Variants in APELA observed in about 807,000 individuals in gnomAD.
The protein encoded by APELA is protein Elabela.
At chr4:164,883,047 G>A (rs1442345522) in intron 2 of APELA, among the ~76,000 whole-genome samples, 1 of 152,048 alleles carries the variant, frequency 6.6e-6, no homozygotes. Flanking sequence ...CCTATTTTCT[G>A]TCTTATTCTT....
chr4:164,892,531 G>T (rs1490044887), intron 2 of APELA, among the ~76,000 whole-genome samples: 1 of 152,124 alleles, frequency 6.6e-6, no homozygotes, highest in African/African-American at 2.4e-5. Context: ...TAGATTGCTA[G>T]TATTTTGCTG....
At chr4:164,880,932 G>A (rs573808399) in intron 2 of APELA, among the ~76,000 whole-genome samples, 8 of 152,258 alleles carry the variant, frequency 5.3e-5, no homozygotes, top group African/African-American at 1.9e-4. Context: ...CTGCTTGGGT[G>A]ACAGCATCCA....
At chr4:164,889,049 G>A (rs1730831700) in intron 2 of APELA, among the ~76,000 whole-genome samples, 1 of 151,848 alleles carries the variant, frequency 6.6e-6, no homozygotes, top group South Asian at 2.1e-4. Context: ...TGTTGCCCAG[G>A]CTGGAGTGCA....
rs1730980287 is a variant in APELA at position 164,896,603 on chromosome 4, T to A, written c.*1189T>A. ...CATGGAAATAAAAAATCAGAAGGAA[T>A]TTAGGGATATGATTACTCAAAAAAG... On this transcript the variant is annotated 3_prime_UTR_variant, in exon 3 of 3. Coordinates refer to ENST00000507152, the MANE Select transcript of APELA (RefSeq NM_001297550.2). 1 of 152,020 alleles carries A rather than the reference T, an allele frequency of 6.6e-6. No homozygotes were observed. Among genetic ancestry groups the A allele is most frequent in the African/African-American group, 2.4e-5 (1 of 41,366 alleles). The allele number at this position is 152,020 out of a possible 1,614,324, so 9.4% of individuals were successfully genotyped here.
chr4:164,882,915 C>T (rs1371176578), intron 2 of APELA, among the ~76,000 whole-genome samples: 2 of 152,170 alleles, frequency 1.3e-5, no homozygotes, highest in Admixed American at 1.3e-4. Flanking sequence ...CTACAAAGGA[C>T]ATGAACTCAT....
At chr4:164,884,332 A>G (rs1730727485) in intron 2 of APELA, among the ~76,000 whole-genome samples, 1 of 152,146 alleles carries the variant, frequency 6.6e-6, no homozygotes, top group South Asian at 2.1e-4. Context: ...TTGAAAAGGC[A>G]GCTGTTTTCT....
chr4:164,897,846 A>C (rs1443341729), downstream of APELA, among the ~76,000 whole-genome samples: 1 of 152,198 alleles, frequency 6.6e-6, no homozygotes, highest in Non-Finnish European at 1.5e-5. Context: ...GAGGGGTGCC[A>C]AATCTGTGTT....
At chr4:164,894,883 G>A (rs1268612390) in intron 2 of APELA, among the ~76,000 whole-genome samples, 1 of 152,160 alleles carries the variant, frequency 6.6e-6, no homozygotes, top group Non-Finnish European at 1.5e-5. Flanking sequence ...GATTCCAGAA[G>A]AGGTATCTCT....
At chr4:164,879,079 T>C (rs1315692807) in intron 2 of APELA, 70 bp downstream of exon 2, 1 of 398,400 alleles carries the variant, frequency 2.5e-6, no homozygotes, top group African/African-American at 2.1e-5. Flanking sequence ...AGGAAATGTT[T>C]CTTCACAGTT....
intron 2 of APELA, among the ~76,000 whole-genome samples, chr4:164,887,719 C>T (rs1730800746): frequency 6.6e-6 from 1 of 151,890 alleles, no homozygotes; most frequent in African/African-American, 2.4e-5. Flanking sequence ...TTAAGCGATT[C>T]TCCTGCCTCA....
At position 164,881,770 on chromosome 4, in the gene APELA, C is replaced by T. The variant is rs139561279; in HGVS notation, c.*1+2761C>T. ...TACTCTAAGGCCAGGTCCAGTGGCT[C>T]ATGCCTATAATCCCAGCACTTTGGG... On this transcript the variant is annotated intron_variant, in intron 2 of 2. Transcript: ENST00000507152. Among the ~76,000 whole-genome samples, 137 of 151,832 alleles carry T rather than the reference C, an allele frequency of 9.0e-4. 1 individual carries two copies. The highest frequency in any genetic ancestry group is 3.4e-4 in the Non-Finnish European group (23 of 67,974).
chr4:164,882,097 T>G (rs1393615209), intron 2 of APELA, among the ~76,000 whole-genome samples: 1 of 152,094 alleles, frequency 6.6e-6, no homozygotes, highest in African/African-American at 2.4e-5. Context: ...CTAGCTTTTT[T>G]TTTTAATTTA....
intron 2 of APELA, among the ~76,000 whole-genome samples, chr4:164,890,486 A>G (rs891418915): frequency 6.6e-6 from 1 of 152,190 alleles, no homozygotes; most frequent in South Asian, 2.1e-4. Flanking sequence ...TTCCATATAA[A>G]TGAATTCTTG....
chr4:164,892,173 A>G (rs1373863753), intron 2 of APELA, among the ~76,000 whole-genome samples: 1 of 151,998 alleles, frequency 6.6e-6, no homozygotes, highest in Non-Finnish European at 1.5e-5. Flanking sequence ...TTAGCCAAGC[A>G]GGTGTGGTGG....
chr4:164,894,413 A>AT (rs574887779), intron 2 of APELA, among the ~76,000 whole-genome samples: 234 of 128,878 alleles, frequency 1.8e-3, no homozygotes, highest in Non-Finnish European at 2.8e-3. Context: ...TTTCTTCTTT[A>AT]TTTTTTTATT....
At chr4:164,887,267 T>TC (rs1218797019) in intron 2 of APELA, among the ~76,000 whole-genome samples, 1 of 152,098 alleles carries the variant, frequency 6.6e-6, no homozygotes, top group Non-Finnish European at 1.5e-5. Context: ...TCTAATCCAT[T>TC]CCCCTCCTTA....
intron 2 of APELA, among the ~76,000 whole-genome samples, chr4:164,883,340 TCTC>T (rs1391697133): frequency 6.6e-6 from 1 of 152,148 alleles, no homozygotes; most frequent in Non-Finnish European, 1.5e-5. Context: ...CACTTCTTAA[TCTC>T]CTCTTCCAAC....
chr4:164,893,738 T>A (rs1381295813), intron 2 of APELA, among the ~76,000 whole-genome samples: 4 of 152,178 alleles, frequency 2.6e-5, no homozygotes, highest in Non-Finnish European at 4.4e-5. Context: ...CTATGGTTAA[T>A]CATGTTTTTT....
chr4:164,886,489 A>C (rs1333317440), intron 2 of APELA, among the ~76,000 whole-genome samples: 1 of 152,022 alleles, frequency 6.6e-6, no homozygotes, highest in Non-Finnish European at 1.5e-5. Flanking sequence ...CTGTCTCTAC[A>C]AAAAATACAT....
Sources: gnomAD v4.1 joint callset for allele counts (sites outside exome capture counted in the v4.1 genomes callset) on GRCh38, gnomAD v4.1.1 for gene constraint, MANE v1.5 for transcripts, NCBI Gene and HGNC (gene_info 2026-07-23, HGNC 2026-07-21) for gene names.